The following ART3 variants were observed in gnomAD, a reference collection of about 807,000 sequenced individuals.
ART3 encodes the protein ADP-ribosyltransferase 3 (inactive), also known as ecto-ADP-ribosyltransferase 3.
Under a neutral mutation model 48.5 loss-of-function variants are expected in ART3, and 49 were observed. That is an observed-to-expected ratio of 1.01 (90% confidence interval 0.80 to 1.28). ART3 has a LOEUF of 1.28. Ranked by LOEUF, ART3 falls within the 50% of genes most tolerant of loss-of-function variation. The pLI is 0.00. For missense variants in ART3, 438 were observed against 454.3 expected, an observed-to-expected ratio of 0.96 and a Z score of 0.33; for synonymous variants, 145 against 157.2, an observed-to-expected ratio of 0.92 and a Z score of 0.58.
intron 2 of ART3, among the ~76,000 whole-genome samples, chr4:76,076,246 C>T (rs1054463454): frequency 1.3e-5 from 2 of 151,988 alleles, no homozygotes; most frequent in African/African-American, 4.8e-5. Context: ...CCTCATGATC[C>T]GCCCACCTCG....
At chr4:76,047,587 C>T (rs1333229616) in intron 1 of ART3, among the ~76,000 whole-genome samples, 1 of 151,988 alleles carries the variant, frequency 6.6e-6, no homozygotes, top group East Asian at 1.9e-4. Context: ...TTCTAATTCT[C>T]CTTAGTCCTT....
In ART3 at chr4:76,100,524, G is replaced by A. The variant is rs191876621; in HGVS notation, c.877+204G>A. Among the ~76,000 whole-genome samples, 375 of 151,964 alleles carry A rather than the reference G, an allele frequency of 2.5e-3. 1 individual carries two copies. Among genetic ancestry groups the A allele is most frequent in the African/African-American group, 8.7e-3 (360 of 41,434 alleles). ...CACATGCCTGTAGTCCCAGCTACTC[G>A]GGAGGCTGAGGCAGGAGAATCCCTT... On this transcript the variant is annotated intron_variant, in intron 6 of 11. Transcript: ENST00000355810.
chr4:76,066,487 T>C (rs1183315325), intron 1 of ART3, among the ~76,000 whole-genome samples: 4 of 152,066 alleles, frequency 2.6e-5, no homozygotes, highest in African/African-American at 4.8e-5. Flanking sequence ...GGTCTGCTTT[T>C]CTCTGCAGGC....
intron 1 of ART3, among the ~76,000 whole-genome samples, chr4:76,051,324 G>C (rs1736062630): frequency 1.3e-5 from 2 of 151,918 alleles, no homozygotes; most frequent in African/African-American, 4.8e-5. Flanking sequence ...GTTCTTAGTA[G>C]AATACTACTG....
intron 11 of ART3, among the ~76,000 whole-genome samples, chr4:76,109,828 T>C (rs774905735): frequency 2.6e-5 from 4 of 152,226 alleles, no homozygotes; most frequent in African/African-American, 4.8e-5. Context: ...CTTCTCTGTG[T>C]GTATACATCC....
At position 76,082,256 on chromosome 4, in the gene ART3, A is replaced by G. The variant is rs1271569012; in HGVS notation, c.502A>G (p.Thr168Ala). 1 of 1,614,220 alleles carries G rather than the reference A, an allele frequency of 6.2e-7. No homozygotes were observed. The highest frequency in any genetic ancestry group is 8.5e-7 in the Non-Finnish European group (1 of 1,180,046). The change falls in exon 3 of 12, where the codon ACT becomes GCT. Residue 168 changes from threonine (T) to alanine (A), a missense_variant. By Grantham distance (58) the Thr-to-Ala change is moderately conservative. Around this residue, in one of 3 missense-constraint regions of ART3, gnomAD observed 206 missense variants for 205.3 expected, o/e 1.00. Coordinates refer to ENST00000355810, the MANE Select transcript of ART3 (RefSeq NM_001130016.3). Reference protein sequence around the residue: ...KTVVYRTSQGTSFTFGGLNQA... With the variant: ...KTVVYRTSQGASFTFGGLNQA... ...TGTGGTATATAGAACAAGCCAGGGC[A>G]CTTCATTTACATTTGGAGGGCTAAA... is the stretch of plus-strand genomic sequence containing the variant.
intron 1 of ART3, among the ~76,000 whole-genome samples, chr4:76,064,319 A>C (rs1719504842): frequency 6.6e-6 from 1 of 152,234 alleles, no homozygotes; most frequent in African/African-American, 2.4e-5. Context: ...AAAATAAAAA[A>C]TTTTAGTGAT....
chr4:76,106,400 T>C (rs1728479329), intron 10 of ART3: 2 of 979,070 alleles, frequency 2.0e-6, no homozygotes, highest in Non-Finnish European at 2.4e-6. Flanking sequence ...TTAGGACAGA[T>C]TTATTTTAGA....
At chr4:76,104,856 G>A (rs1417807924) in intron 10 of ART3, among the ~76,000 whole-genome samples, 1 of 152,160 alleles carries the variant, frequency 6.6e-6, no homozygotes, top group Non-Finnish European at 1.5e-5. Flanking sequence ...AGTTCATGTA[G>A]TACTTTGAAA....
intron 1 of ART3, among the ~76,000 whole-genome samples, chr4:76,069,363 G>A (rs1361549920): frequency 7.0e-6 from 1 of 143,104 alleles, no homozygotes; most frequent in Non-Finnish European, 1.5e-5. Context: ...GACATTTCAT[G>A]TAAATGTATC....
intron 1 of ART3, among the ~76,000 whole-genome samples, chr4:76,019,358 G>A (rs1391927863): frequency 6.7e-6 from 1 of 149,770 alleles, no homozygotes; most frequent in Non-Finnish European, 1.5e-5. Flanking sequence ...AATAAACTAC[G>A]TATTTGCAAT....
At chr4:76,059,114 A>G (rs6832815) in intron 1 of ART3, among the ~76,000 whole-genome samples, 35 of 27,922 alleles carry the variant, frequency 1.3e-3, no homozygotes, top group Admixed American at 2.7e-3. Context: ...ACTGTGTATG[A>G]AGAAACCTTT....
intron 1 of ART3, among the ~76,000 whole-genome samples, chr4:76,044,226 A>G (rs1031249297): frequency 6.6e-6 from 1 of 152,000 alleles, no homozygotes; most frequent in Admixed American, 6.6e-5. Context: ...AAGAATTTGA[A>G]AGGCGTTGTC....
intron 1 of ART3, chr4:76,022,337 A>T (rs1384170346): frequency 6.3e-7 from 1 of 1,577,552 alleles, no homozygotes; most frequent in Non-Finnish European, 8.7e-7. Flanking sequence ...CCTAAAGAGC[A>T]ATTCTTCTGC....
chr4:76,098,327 A>C (rs1003508334), intron 4 of ART3, among the ~76,000 whole-genome samples: 3 of 152,350 alleles, frequency 2.0e-5, no homozygotes, highest in South Asian at 2.1e-4. Flanking sequence ...TAAAGATACC[A>C]AAAATGCCTT....
chr4:76,085,906 T>C (rs867051214), intron 3 of ART3, among the ~76,000 whole-genome samples: 5 of 152,120 alleles, frequency 3.3e-5, no homozygotes, highest in African/African-American at 1.2e-4. Flanking sequence ...ATACCATCTC[T>C]ACTAAAAATA....
In ART3 at chr4:76,044,700, G is replaced by A. The variant is rs569847241; in HGVS notation, c.-9-31181G>A. Reference sequence around the variant, plus strand: ...CTCTGTTTCTGACACCCTCTTTAACGTTCTGTCTCTCTGTCTCTTCCTCTC... The same window carrying A: ...CTCTGTTTCTGACACCCTCTTTAACATTCTGTCTCTCTGTCTCTTCCTCTC... On this transcript the variant is annotated intron_variant, in intron 1 of 9. Transcript: ENST00000341029. Among the ~76,000 whole-genome samples the A allele has an allele frequency of 4.0e-5, 6 of 151,230 alleles. No homozygotes were observed. The East Asian group carries it at 7.8e-4, about 20-fold the overall frequency.
intron 1 of ART3, among the ~76,000 whole-genome samples, chr4:76,039,525 T>A (rs1734754683): frequency 6.6e-6 from 1 of 152,284 alleles, no homozygotes; most frequent in East Asian, 1.9e-4. Context: ...AAAAGATGAG[T>A]TGACATTGTT....
At chr4:76,040,649 G>A (rs9999755) in intron 1 of ART3, among the ~76,000 whole-genome samples, 92,616 of 151,576 alleles carry the variant, frequency 0.61, 29,370 homozygotes, top group East Asian at 0.94. Context: ...CTTCCTCACG[G>A]AGGCTGCTGC....
Sources: gnomAD v4.1 joint callset for allele counts (sites outside exome capture counted in the v4.1 genomes callset) on GRCh38, gnomAD v4.1.1 for gene constraint, gnomAD v4.1.1 regional missense constraint, MANE v1.5 for transcripts, NCBI Gene and HGNC (gene_info 2026-07-23, HGNC 2026-07-21) for gene names.